TNS3: variants seen among roughly 807,000 people sequenced by gnomAD.
The protein encoded by TNS3 is tensin 3.
A neutral mutation model predicts 140.9 loss-of-function variants in TNS3; 45 were observed. The observed-to-expected ratio is 0.32, with a 90% CI of 0.25 to 0.41. TNS3 has a LOEUF of 0.41. Ranked by LOEUF, TNS3 falls within the 10% of genes least tolerant of loss-of-function variation. The pLI, the probability that TNS3 is intolerant of heterozygous loss-of-function variation, is 1.00. For synonymous variants in TNS3, 815 were observed against 788.4 expected (o/e 1.03, Z -0.56); for missense variants, 1,716 against 1,906.7 (o/e 0.90, Z 1.86).
intron 23 of TNS3, among the ~76,000 whole-genome samples, chr7:47,300,813 G>A (rs1011870023): frequency 1.3e-5 from 2 of 152,224 alleles, no homozygotes; most frequent in African/African-American, 2.4e-5. Context: ...CCAGGGTGGT[G>A]GCAACAGGCA....
intron 17 of TNS3, among the ~76,000 whole-genome samples, chr7:47,356,968 G>A (rs1222158747): frequency 2.0e-5 from 3 of 151,474 alleles, no homozygotes; most frequent in East Asian, 1.9e-4. Context: ...CATGCCTGTC[G>A]TCCTAACTAC....
intron 16 of TNS3, 63 bp from the exon 17 acceptor site, chr7:47,369,684 T>A (rs1209018370): frequency 6.8e-7 from 1 of 1,479,058 alleles, no homozygotes; most frequent in Non-Finnish European, 9.0e-7. Context: ...TCACACCCTC[T>A]GAATGGGCGT....
intron 20 of TNS3, among the ~76,000 whole-genome samples, chr7:47,316,125 TCTCTCTC>T (rs1787391714): frequency 5.3e-5 from 8 of 149,590 alleles, no homozygotes; most frequent in Admixed American, 3.3e-4. Context: ...TCTCTCTCTC[TCTCTCTC>T]TCTCTCTCTC....
intron 3 of TNS3, among the ~76,000 whole-genome samples, chr7:47,494,452 A>G (rs951784106): frequency 6.6e-6 from 1 of 152,210 alleles, no homozygotes; most frequent in Non-Finnish European, 1.5e-5. Flanking sequence ...TTCTCACATC[A>G]CAGTATTGCA....
chr7:47,422,285 A>T (rs1794413180), intron 10 of TNS3, among the ~76,000 whole-genome samples: 1 of 152,326 alleles, frequency 6.6e-6, no homozygotes, highest in East Asian at 1.9e-4. Context: ...CAAATGTGCA[A>T]TGACGGGAAG....
intron 20 of TNS3, 134 bp downstream of exon 20, chr7:47,344,621 T>A (rs772230819): frequency 1.6e-5 from 14 of 856,434 alleles, no homozygotes; most frequent in South Asian, 1.5e-4. Context: ...GCAAGATCCA[T>A]CCTCATCCAA....
chr7:47,277,618 G>A lies in TNS3; in HGVS notation c.*458C>T, dbSNP rs898892610. The A allele has an allele frequency of 3.8e-5, 9 of 235,424 alleles. No individual in the cohort carries two copies. Among genetic ancestry groups the A allele is most frequent in the Non-Finnish European group, 7.6e-5 (9 of 118,662 alleles). 14.6% of individuals were successfully genotyped at this position (235,424 alleles called of 1,614,324 possible). A position where few individuals can be genotyped will look rare whatever the true frequency, so the allele number is the denominator to read the frequency against. On this transcript the variant is annotated 3_prime_UTR_variant, in exon 31 of 31. Transcript: ENST00000311160. ...CCATCTTGGGAAGACCGAGGTGAGG[G>A]AAACCCCCGGCCTCGGGTGCAGCTG...
intron 12 of TNS3, 22 bp from the exon 13 acceptor site, chr7:47,411,824 A>G: frequency 2.5e-6 from 4 of 1,609,128 alleles, no homozygotes; most frequent in Non-Finnish European, 3.4e-6. Context: ...AGAAGAAGGT[A>G]GATCATTATG....
intron 10 of TNS3, among the ~76,000 whole-genome samples, chr7:47,419,351 G>A (rs1794252533): frequency 6.6e-6 from 1 of 152,152 alleles, no homozygotes; most frequent in Non-Finnish European, 1.5e-5. Context: ...GTGCAGGGAG[G>A]GGCCACAGGG....
rs548713045 is a variant in TNS3 at position 47,436,056 on chromosome 7, G to A, written c.202-652C>T. 1.1e-4 allele frequency among the ~76,000 whole-genome samples: 16 copies of A among 152,294 alleles called. No homozygotes were observed. The South Asian group carries it at 1.5e-3, about 14-fold the overall frequency. ...TTTGATTTCCTTTTGTCAGTAGGACGAGGACAAGGAGCTCTATCTTATGAT... is the reference window on the plus strand; with the variant it reads ...TTTGATTTCCTTTTGTCAGTAGGACAAGGACAAGGAGCTCTATCTTATGAT... On this transcript the variant is annotated intron_variant, in intron 7 of 30. Transcript: ENST00000311160.
At position 47,497,208 on chromosome 7, in the gene TNS3, G is replaced by A. The variant is rs144791266; in HGVS notation, c.-115+9699C>T. Among the ~76,000 whole-genome samples the A allele has an allele frequency of 6.1e-3, 925 of 152,262 alleles. 14 individuals carry two copies. Among genetic ancestry groups the A allele is most frequent in the African/African-American group, 0.021 (859 of 41,526 alleles). The stretch of plus-strand genomic sequence containing the variant: ...AAATGCATAGTGATTTATGCTAGCG[G>A]TAGGCAACATTTCATGAAATAAATC... On this transcript the variant is annotated intron_variant, in intron 3 of 30. Coordinates refer to ENST00000311160, the MANE Select transcript of TNS3 (RefSeq NM_022748.12).
At chr7:47,409,375 A>C (rs1793630739) in intron 13 of TNS3, among the ~76,000 whole-genome samples, 1 of 151,578 alleles carries the variant, frequency 6.6e-6, no homozygotes, top group Non-Finnish European at 1.5e-5. Flanking sequence ...CAGCCCATAA[A>C]CAGCCCAGGG....
At chr7:47,433,786 T>C (rs1376646330) in intron 8 of TNS3, among the ~76,000 whole-genome samples, 2 of 152,194 alleles carry the variant, frequency 1.3e-5, no homozygotes, top group African/African-American at 4.8e-5. Context: ...GATCCATCAA[T>C]ATCAGGCTCA....
chr7:47,531,898 G>A lies in TNS3; in HGVS notation c.-264-2751C>T, dbSNP rs116374208. 9.0e-3 allele frequency among the ~76,000 whole-genome samples: 1,372 copies of A among 152,304 alleles called. 17 individuals carry two copies. The highest frequency in any genetic ancestry group is 0.026 in the African/African-American group (1,079 of 41,584). ...GCAGGCAGGATCTGCCCCCCGGGGT[G>A]CAGCTGCAGCCACCATCCACGGCTG... On this transcript the variant is annotated intron_variant, in intron 1 of 30. Coordinates refer to ENST00000311160, the MANE Select transcript of TNS3 (RefSeq NM_022748.12).
intron 17 of TNS3, among the ~76,000 whole-genome samples, chr7:47,362,379 T>C (rs994176656): frequency 6.6e-6 from 1 of 152,112 alleles, no homozygotes; most frequent in Non-Finnish European, 1.5e-5. Context: ...TACTCTACAC[T>C]GTCCAGCGAT....
chr7:47,345,989 T>C (rs894719876), intron 18 of TNS3, among the ~76,000 whole-genome samples, 198 bp downstream of exon 18: 19 of 152,114 alleles, frequency 1.2e-4, no homozygotes, highest in African/African-American at 4.6e-4. Context: ...CTGCACACTG[T>C]GCTCTCCCAG....
chr7:47,344,912 C>T lies in TNS3; in HGVS notation c.2566+12G>A, dbSNP rs757316540. 1.1e-5 allele frequency: 18 copies of T among 1,613,778 alleles called. No individual in the cohort carries two copies. The highest frequency in any genetic ancestry group is 1.4e-5 in the Non-Finnish European group (17 of 1,179,800). ...GGAGCAGCACATGCAGCTAGTGTTA[C>T]TTCATTCTTACCATACGGTGTCTCT... On this transcript the variant is annotated intron_variant, in intron 19 of 30. Transcript: ENST00000311160.
chr7:47,334,903 G>T lies in TNS3; in HGVS notation c.2650+9852C>A, dbSNP rs531324819. 1.1e-4 allele frequency among the ~76,000 whole-genome samples: 17 copies of T among 151,904 alleles called. No individual in the cohort carries two copies. The East Asian group carries it at 3.3e-3, about 29-fold the overall frequency. ...ATTACAGGCATGAGCCACTGCGCCT[G>T]GCGAGAACCACGACTTTTTAAAGGA... On this transcript the variant is annotated intron_variant, in intron 20 of 30. Coordinates refer to ENST00000311160, the MANE Select transcript of TNS3 (RefSeq NM_022748.12).
chr7:47,312,642 G>A (rs1787169207), intron 20 of TNS3, among the ~76,000 whole-genome samples: 1 of 151,078 alleles, frequency 6.6e-6, no homozygotes, highest in Admixed American at 6.6e-5. Context: ...GGCAGAGGTT[G>A]CAATGAGCTG....
Sources: allele counts gnomAD v4.1 joint callset (sites outside exome capture counted in the v4.1 genomes callset), GRCh38; gene constraint gnomAD v4.1.1; transcripts MANE v1.5; gene names NCBI Gene and HGNC (gene_info 2026-07-23, HGNC 2026-07-21).